CUX1: variants seen among roughly 807,000 people sequenced by gnomAD.
The protein encoded by CUX1 is cut like homeobox 1, also known as protein CASP.
In CUX1, 31 loss-of-function variants were observed where a neutral mutation model predicts 158.8. The observed-to-expected ratio is 0.20, with a 90% CI of 0.15 to 0.26. The LOEUF (loss-of-function observed/expected upper bound fraction) is 0.26, where lower values mean the gene tolerates loss of function less well. Among genes scored for constraint, CUX1 ranks in the 10% least tolerant of loss-of-function variants. The pLI, the probability that CUX1 is intolerant of heterozygous loss-of-function variation, is 1.00. For missense variants in CUX1, 1,589 were observed against 2,014.6 expected (o/e 0.79, Z 4.04); for synonymous variants, 879 against 862.1 (o/e 1.02, Z -0.34).
In CUX1 at chr7:102,249,345, C is replaced by A. The variant is rs1801231584; in HGVS notation, c.*303C>A. On this transcript the variant is annotated 3_prime_UTR_variant, in exon 24 of 24. Transcript: ENST00000292535. ...ACCCCTGGACCGCTTTGCGCACTTA[C>A]CGCCCTGCGGGCCACAGGGCAAAAT... 1 of 1,009,182 alleles carries A rather than the reference C, an allele frequency of 9.9e-7. No individual in the cohort carries two copies. 62.5% of individuals were successfully genotyped at this position (1,009,182 alleles called of 1,614,324 possible).
intron 23 of CUX1, among the ~76,000 whole-genome samples, chr7:102,244,238 T>C (rs1386451306): frequency 1.3e-5 from 2 of 152,166 alleles, no homozygotes; most frequent in Non-Finnish European, 2.9e-5. Context: ...TACGTTCTTT[T>C]CTCAGGGGTT....
At chr7:102,128,375 C>T (rs1465548850) in intron 8 of CUX1, among the ~76,000 whole-genome samples, 1 of 152,086 alleles carries the variant, frequency 6.6e-6, no homozygotes, top group Non-Finnish European at 1.5e-5. Context: ...AAAGCCCCTC[C>T]CTCGGCCGCA....
At chr7:101,979,254 C>T (rs979610808) in intron 2 of CUX1, among the ~76,000 whole-genome samples, 2 of 152,084 alleles carry the variant, frequency 1.3e-5, no homozygotes, top group South Asian at 4.1e-4. Flanking sequence ...TCCCTAGGGC[C>T]GGCATATGGG....
At chr7:102,075,474 T>C (rs1826606340) in intron 4 of CUX1, among the ~76,000 whole-genome samples, 1 of 152,208 alleles carries the variant, frequency 6.6e-6, no homozygotes, top group Non-Finnish European at 1.5e-5. Context: ...GGTAACTGTT[T>C]GGCCGAGAGA....
At chr7:102,157,672 C>T (rs1319232841) in intron 8 of CUX1, among the ~76,000 whole-genome samples, 4 of 151,958 alleles carry the variant, frequency 2.6e-5, no homozygotes, top group Non-Finnish European at 5.9e-5. Flanking sequence ...CTCAGCTACT[C>T]GGGAGGCTGA....
intron 14 of CUX1, among the ~76,000 whole-genome samples, chr7:102,264,145 A>T (rs1224650942): frequency 6.7e-6 from 1 of 150,034 alleles, no homozygotes; most frequent in East Asian, 2.0e-4. Context: ...AGCTGGGATT[A>T]CAGGCGCCCA....
intron 2 of CUX1, among the ~76,000 whole-genome samples, chr7:101,982,483 G>A (rs1400505734): frequency 6.6e-6 from 1 of 151,828 alleles, no homozygotes; most frequent in Non-Finnish European, 1.5e-5. Flanking sequence ...CTGGAGTACT[G>A]TGTTGTGATC....
chr7:101,916,030 G>C lies in CUX1; in HGVS notation c.31-85G>C, dbSNP rs1018677386. 6 of 927,148 alleles carry C rather than the reference G, an allele frequency of 6.5e-6. No homozygotes were observed. In the South Asian group the frequency reaches 7.9e-5, roughly 12 times the overall value. The allele number at this position is 927,148 out of a possible 1,614,324, so 57.4% of individuals were successfully genotyped here. On this transcript the variant is annotated intron_variant, in intron 1 of 23. Coordinates refer to ENST00000292535, the MANE Select transcript of CUX1 (RefSeq NM_181552.4). The surrounding 1 kb of genome is among the most constrained non-coding windows in gnomAD (Gnocchi z 4.4). ...TAGAGCCACTGGGGTCTCTCCCCCAGTGTTCTGGTCAAATGCAAATAGGAC... is the reference window on the plus strand; with the variant it reads ...TAGAGCCACTGGGGTCTCTCCCCCACTGTTCTGGTCAAATGCAAATAGGAC...
At chr7:102,162,193 A>G (rs1017789271) in intron 9 of CUX1, among the ~76,000 whole-genome samples, 1 of 152,192 alleles carries the variant, frequency 6.6e-6, no homozygotes, top group Non-Finnish European at 1.5e-5. Flanking sequence ...CCGACCAGAA[A>G]GAAAGGCCAG....
At chr7:101,842,360 C>A (rs138123965) in intron 1 of CUX1, among the ~76,000 whole-genome samples, 124 of 152,312 alleles carry the variant, frequency 8.1e-4, no homozygotes, top group African/African-American at 2.7e-3. Context: ...GTCACTGTTT[C>A]TTTGATAATT....
chr7:101,816,581 C>T (rs1293071552), upstream of CUX1, among the ~76,000 whole-genome samples: 5 of 142,498 alleles, frequency 3.5e-5, no homozygotes, highest in Non-Finnish European at 7.8e-5. Context: ...CCCGCCCGCC[C>T]GCTCGCCCCG....
At chr7:102,275,179 A>T in intron 16 of CUX1, 1 of 1,203,120 alleles carries the variant, frequency 8.3e-7, no homozygotes, top group Non-Finnish European at 1.2e-6. Flanking sequence ...TGGGGGACCC[A>T]CCCCAAAGGG....
At chr7:101,986,537 G>T (rs564152795) in intron 2 of CUX1, among the ~76,000 whole-genome samples, 21 of 152,298 alleles carry the variant, frequency 1.4e-4, no homozygotes, top group African/African-American at 5.1e-4. Flanking sequence ...GGAGGATGAG[G>T]GTTGCAGGCT....
At chr7:101,938,593 T>A (rs1034726445) in intron 2 of CUX1, among the ~76,000 whole-genome samples, 2 of 152,180 alleles carry the variant, frequency 1.3e-5, no homozygotes, top group Non-Finnish European at 2.9e-5. Context: ...CATATAGTCA[T>A]GTGCCACCAC....
intron 2 of CUX1, among the ~76,000 whole-genome samples, chr7:102,019,006 G>A (rs1344218975): frequency 6.6e-6 from 1 of 152,120 alleles, no homozygotes; most frequent in Non-Finnish European, 1.5e-5. Flanking sequence ...TTTGAGGATC[G>A]TTGGCTTAGT....
intron 3 of CUX1, among the ~76,000 whole-genome samples, chr7:102,046,115 G>A (rs1822757266): frequency 6.6e-6 from 1 of 152,232 alleles, no homozygotes; most frequent in Non-Finnish European, 1.5e-5. Context: ...AAAACCTGAG[G>A]CTGAAGAGAC....
In CUX1 at chr7:102,255,935, AAAAT is replaced by A; in HGVS notation, c.*6896_*6899del. The A allele has an allele frequency of 1.0e-6, 1 of 985,424 alleles. No individual in the cohort carries two copies. The highest frequency in any genetic ancestry group is 1.7e-5 in the African/African-American group (1 of 57,366). 61.0% of individuals were successfully genotyped at this position (985,424 alleles called of 1,614,324 possible). A position where few individuals can be genotyped will look rare whatever the true frequency, so the allele number is the denominator to read the frequency against. ...TGAAATCATTTTTCTTCATTTTAAA[AAAAT>A]AACGTATTGCACACCAAATGAACTC... On this transcript the variant is annotated 3_prime_UTR_variant, in exon 24 of 24. Transcript: ENST00000292535.
At chr7:101,999,495 G>A (rs1038012985) in intron 2 of CUX1, among the ~76,000 whole-genome samples, 2 of 152,114 alleles carry the variant, frequency 1.3e-5, no homozygotes, top group Non-Finnish European at 2.9e-5. Flanking sequence ...ACACCAGCTC[G>A]GTTAAGACGA....
At chr7:101,981,240 G>A (rs191613611) in intron 2 of CUX1, among the ~76,000 whole-genome samples, 96 of 152,086 alleles carry the variant, frequency 6.3e-4, no homozygotes, top group South Asian at 8.3e-4. Flanking sequence ...CTTGCAGGAC[G>A]TTTTCTACCA....
Sources: gnomAD v4.1 joint callset for allele counts (sites outside exome capture counted in the v4.1 genomes callset) on GRCh38, gnomAD v4.1.1 for gene constraint, Gnocchi (gnomAD v3.1) non-coding constraint, MANE v1.5 for transcripts, NCBI Gene and HGNC (gene_info 2026-07-23, HGNC 2026-07-21) for gene names.